MBD5: variants seen among roughly 807,000 people sequenced by gnomAD.
MBD5 encodes methyl-CpG-binding domain protein 5.
Under a neutral mutation model 117.3 loss-of-function variants are expected in MBD5, and 13 were observed. The observed-to-expected ratio is 0.11, with a 90% CI of 0.07 to 0.18. MBD5 has a LOEUF of 0.18. MBD5 is among the 10% of genes least tolerant of loss of function. The pLI is 1.00. For synonymous variants in MBD5, 727 were observed against 766.4 expected (o/e 0.95, Z 0.85); for missense variants, 1,879 against 2,093.8 (o/e 0.90, Z 2.00).
chr2:148,510,391 A>T (rs1682181624), intron 13 of MBD5, among the ~76,000 whole-genome samples: 1 of 152,276 alleles, frequency 6.6e-6, no homozygotes, highest in South Asian at 2.1e-4. Context: ...TATGAGCAGC[A>T]AAATATTGAA....
intron 4 of MBD5, among the ~76,000 whole-genome samples, chr2:148,410,487 T>G (rs903513680): frequency 6.6e-6 from 1 of 152,166 alleles, no homozygotes; most frequent in Admixed American, 6.5e-5. Flanking sequence ...TGGAGTGCAG[T>G]GGCGTGATGT....
chr2:148,148,777 G>C (rs954776637), intron 1 of MBD5, among the ~76,000 whole-genome samples: 1 of 151,978 alleles, frequency 6.6e-6, no homozygotes, highest in African/African-American at 2.4e-5. Flanking sequence ...TTTTCCTTGT[G>C]CACCAGTTTA....
chr2:148,044,425 G>C lies in MBD5; in HGVS notation c.-925+22741G>C, dbSNP rs116360908. 3.8e-3 allele frequency: 581 copies of C among 152,224 alleles called. 4 individuals carry two copies. Among genetic ancestry groups the C allele is most frequent in the African/African-American group, 0.013 (547 of 41,566 alleles). 9.4% of individuals were successfully genotyped at this position (152,224 alleles called of 1,614,324 possible). On this transcript the variant is annotated intron_variant, in intron 1 of 13. Transcript: ENST00000642680. ...CAGGTTACAAGTCTAGTATTCCTGT[G>C]ACTTTTTTAAACACAGAAGAAAAAG...
intron 1 of MBD5, among the ~76,000 whole-genome samples, chr2:148,039,999 TAGTG>T (rs1357427195): frequency 4.6e-5 from 7 of 152,048 alleles, no homozygotes; most frequent in Non-Finnish European, 7.4e-5. Flanking sequence ...CTGGGCAAGA[TAGTG>T]AGACCCCATC....
intron 3 of MBD5, among the ~76,000 whole-genome samples, chr2:148,281,601 T>C (rs1295969552): frequency 2.6e-5 from 4 of 152,158 alleles, no homozygotes; most frequent in Non-Finnish European, 5.9e-5. Context: ...CTTTCAATTG[T>C]GTTTGTTGAC....
At position 148,328,573 on chromosome 2, in the gene MBD5, C is replaced by T. The variant is rs542559092; in HGVS notation, c.-679-13641C>T. On this transcript the variant is annotated intron_variant, in intron 3 of 13. Transcript: ENST00000642680. ...CCGCTTTTTAAGCCCATCGGAAAAG[C>T]GCAGTATTCGGGTGGGAGTGACCCA... is the stretch of plus-strand genomic sequence containing the variant. Among the ~76,000 whole-genome samples, 98 of 152,282 alleles carry T rather than the reference C, an allele frequency of 6.4e-4. 2 individuals are homozygous for T. The East Asian group carries it at 0.015, about 23-fold the overall frequency.
intron 4 of MBD5, among the ~76,000 whole-genome samples, chr2:148,365,197 A>T (rs1703660255): frequency 6.6e-6 from 1 of 152,206 alleles, no homozygotes; most frequent in Non-Finnish European, 1.5e-5. Context: ...ACTCAAAACC[A>T]CACAAATACA....
intron 3 of MBD5, among the ~76,000 whole-genome samples, chr2:148,314,854 A>G (rs1485123222): frequency 6.6e-6 from 1 of 151,968 alleles, no homozygotes; most frequent in African/African-American, 2.4e-5. Context: ...TTTTAGGCAT[A>G]TATATATATG....
At chr2:148,254,989 T>C (rs1397637955) in intron 3 of MBD5, among the ~76,000 whole-genome samples, 1 of 152,212 alleles carries the variant, frequency 6.6e-6, no homozygotes, top group Non-Finnish European at 1.5e-5. Context: ...TCCAGCCATG[T>C]CCAGTTCTCT....
chr2:148,080,390 A>C (rs1484117185), intron 1 of MBD5, among the ~76,000 whole-genome samples: 1 of 152,218 alleles, frequency 6.6e-6, no homozygotes, highest in African/African-American at 2.4e-5. Context: ...AGGAATATTA[A>C]ATTGTAAGAA....
In MBD5 at chr2:148,426,803, G is replaced by A. The variant is rs186742116; in HGVS notation, c.-556-31400G>A. Among the ~76,000 whole-genome samples, 1,210 of 152,226 alleles carry A rather than the reference G, an allele frequency of 7.9e-3. 14 individuals are homozygous for A. The highest frequency in any genetic ancestry group is 0.028 in the African/African-American group (1,160 of 41,538). Reference sequence around the variant, plus strand: ...AACAAAAGCCAGAATTGACAAATGGGATCTAATTAAACTAAAGAACTTCTA... The same window carrying A: ...AACAAAAGCCAGAATTGACAAATGGAATCTAATTAAACTAAAGAACTTCTA... On this transcript the variant is annotated intron_variant, in intron 4 of 13. Coordinates refer to ENST00000642680, the MANE Select transcript of MBD5 (RefSeq NM_001378120.1).
At chr2:148,426,331 C>A (rs1016569140) in intron 4 of MBD5, among the ~76,000 whole-genome samples, 1 of 152,094 alleles carries the variant, frequency 6.6e-6, no homozygotes, top group Admixed American at 6.5e-5. Flanking sequence ...CAAAAAAGAG[C>A]CCGCATCGCA....
At chr2:148,342,437 A>C (rs901455446) in intron 4 of MBD5, 101 bp downstream of exon 4, 11 of 152,036 alleles carry the variant, frequency 7.2e-5, no homozygotes, top group African/African-American at 2.7e-4. Flanking sequence ...ACATCTATAG[A>C]TTGAAATGCT....
intron 2 of MBD5, among the ~76,000 whole-genome samples, chr2:148,208,194 G>A (rs1246510287): frequency 6.6e-6 from 1 of 152,052 alleles, no homozygotes; most frequent in African/African-American, 2.4e-5. Flanking sequence ...CATGGAATAA[G>A]GACACTCTAC....
intron 1 of MBD5, among the ~76,000 whole-genome samples, chr2:148,080,384 A>C (rs553752438): frequency 5.5e-4 from 84 of 152,348 alleles, no homozygotes; most frequent in African/African-American, 2.0e-3. Flanking sequence ...TGATCTAGGA[A>C]TATTAAATTG....
chr2:148,164,384 C>CT (rs1480620582), intron 1 of MBD5, among the ~76,000 whole-genome samples: 1 of 151,854 alleles, frequency 6.6e-6, no homozygotes, highest in Non-Finnish European at 1.5e-5. Flanking sequence ...ATGGAGGTGT[C>CT]TTGGTGGGGG....
At chr2:148,265,731 GT>G (rs1700841087) in intron 3 of MBD5, among the ~76,000 whole-genome samples, 1 of 151,988 alleles carries the variant, frequency 6.6e-6, no homozygotes, top group Admixed American at 6.6e-5. Flanking sequence ...GATATTACAA[GT>G]TTTTGTGTTG....
chr2:148,375,336 A>ACAT (rs1166800477), intron 4 of MBD5, among the ~76,000 whole-genome samples: 1 of 152,252 alleles, frequency 6.6e-6, no homozygotes, highest in African/African-American at 2.4e-5. Context: ...TTGCTAACAG[A>ACAT]CATCAGCAAG....
At chr2:148,226,906 G>A (rs1412402889) in intron 2 of MBD5, among the ~76,000 whole-genome samples, 3 of 152,192 alleles carry the variant, frequency 2.0e-5, no homozygotes, top group Non-Finnish European at 4.4e-5. Context: ...CTGCATAAAT[G>A]TCTTCTTTTG....
Sources: gnomAD v4.1 joint callset for allele counts (sites outside exome capture counted in the v4.1 genomes callset) on GRCh38, gnomAD v4.1.1 for gene constraint, MANE v1.5 for transcripts, NCBI Gene and HGNC (gene_info 2026-07-23, HGNC 2026-07-21) for gene names.